The following MYO3B variants were observed in gnomAD, a reference collection of about 807,000 sequenced individuals.
MYO3B encodes myosin-IIIb.
MYO3B carries 156 observed loss-of-function variants against 174.6 expected under a neutral mutation model. The observed-to-expected ratio is 0.89, with a 90% CI of 0.78 to 1.02. MYO3B has a LOEUF of 1.02. Ranked by LOEUF, MYO3B falls within the 50% of genes least tolerant of loss-of-function variation. MYO3B has a pLI of 0.00. For synonymous variants in MYO3B, 563 were observed against 569.1 expected (o/e 0.99, Z 0.15); for missense variants, 1,632 against 1,639.4 (o/e 1.00, Z 0.08).
At chr2:170,454,469 A>G (rs1683794786) in intron 23 of MYO3B, among the ~76,000 whole-genome samples, 1 of 152,228 alleles carries the variant, frequency 6.6e-6, no homozygotes, top group South Asian at 2.1e-4. Flanking sequence ...GGCTACAGTT[A>G]TGAAATGTCT....
intron 7 of MYO3B, among the ~76,000 whole-genome samples, chr2:170,305,525 G>A (rs1160141754): frequency 1.3e-5 from 2 of 152,070 alleles, no homozygotes; most frequent in African/African-American, 2.4e-5. Context: ...TTTCTTTCAA[G>A]CATTATCATG....
intron 32 of MYO3B, among the ~76,000 whole-genome samples, chr2:170,600,834 A>G (rs1694463187): frequency 1.3e-5 from 2 of 152,236 alleles, no homozygotes; most frequent in South Asian, 2.1e-4. Context: ...ATACTTTTCT[A>G]TTAGTCCTTT....
intron 30 of MYO3B, among the ~76,000 whole-genome samples, chr2:170,531,108 T>C (rs563585200): frequency 3.3e-5 from 5 of 152,224 alleles, no homozygotes; most frequent in Non-Finnish European, 7.3e-5. Context: ...TTGACACAGA[T>C]GATCTCTTTC....
chr2:170,630,027 G>A (rs12616797), intron 32 of MYO3B, among the ~76,000 whole-genome samples: 19,281 of 152,206 alleles, frequency 0.13, 1,381 homozygotes, highest in East Asian at 0.28. Flanking sequence ...TTCCAGCTGA[G>A]GTACCTGCTT....
rs551857701 is a variant in MYO3B at position 170,543,055 on chromosome 2, G to A, written c.3636+89G>A. ...AGGCATGAAGCTTGTCTGCGGCTGCGTGGTTGGACCATCCAAACTTGAAAC... is the reference window on the plus strand; with the variant it reads ...AGGCATGAAGCTTGTCTGCGGCTGCATGGTTGGACCATCCAAACTTGAAAC... On this transcript the variant is annotated intron_variant, in intron 31 of 34. Transcript: ENST00000408978. The A allele has an allele frequency of 1.1e-4, 112 of 1,063,638 alleles. No homozygotes were observed. The African/African-American group carries it at 1.5e-3, about 14-fold the overall frequency. 65.9% of individuals were successfully genotyped at this position (1,063,638 alleles called of 1,614,324 possible).
intron 6 of MYO3B, among the ~76,000 whole-genome samples, chr2:170,226,559 G>T (rs767415389): frequency 6.6e-6 from 1 of 152,218 alleles, no homozygotes; most frequent in Non-Finnish European, 1.5e-5. Context: ...TCCAGCGATA[G>T]TTCCCTCTCA....
At chr2:170,310,403 C>A (rs897057309) in intron 7 of MYO3B, among the ~76,000 whole-genome samples, 1 of 152,126 alleles carries the variant, frequency 6.6e-6, no homozygotes, top group East Asian at 1.9e-4. Flanking sequence ...TGGCTCATGC[C>A]TGTGATCCCA....
At chr2:170,612,749 T>C (rs1559159093) in intron 32 of MYO3B, among the ~76,000 whole-genome samples, 2 of 152,188 alleles carry the variant, frequency 1.3e-5, no homozygotes, top group African/African-American at 2.4e-5. Flanking sequence ...AGGTATTGCA[T>C]GGAGGAAGAG....
rs190902469 is a variant in MYO3B at position 170,340,228 on chromosome 2, G to A, written c.815+4778G>A. On this transcript the variant is annotated intron_variant, in intron 8 of 34. Transcript: ENST00000408978. ...TTCTCATTTTGCCTCTATAACTTTAGTGGTTTTTTAGGAATTAAATTTAGG... is the reference window on the plus strand; with the variant it reads ...TTCTCATTTTGCCTCTATAACTTTAATGGTTTTTTAGGAATTAAATTTAGG... 10 of 152,250 alleles carry A rather than the reference G, an allele frequency of 6.6e-5. No homozygotes were observed. The East Asian group carries it at 1.9e-3, about 29-fold the overall frequency. 9.4% of individuals were successfully genotyped at this position (152,250 alleles called of 1,614,324 possible).
chr2:170,203,496 G>C lies in MYO3B; in HGVS notation c.321+3212G>C, dbSNP rs1046467639. On this transcript the variant is annotated intron_variant, in intron 3 of 34. Transcript: ENST00000408978. ...ATGTAGAGCCAAAGCAAAAGGGGGCGGCGGGGGGGGGAGGGAGGGAGGGAG... is the reference window on the plus strand; with the variant it reads ...ATGTAGAGCCAAAGCAAAAGGGGGCCGCGGGGGGGGGAGGGAGGGAGGGAG... 1.5e-4 allele frequency among the ~76,000 whole-genome samples: 18 copies of C among 116,850 alleles called. No homozygotes were observed. In the East Asian group the frequency reaches 6.5e-3, roughly 42 times the overall value. The allele number at this position is 116,850 out of a possible 152,430, so 76.7% of individuals were successfully genotyped here.
At chr2:170,622,043 A>G (rs1695964823) in intron 32 of MYO3B, among the ~76,000 whole-genome samples, 1 of 152,184 alleles carries the variant, frequency 6.6e-6, no homozygotes, top group African/African-American at 2.4e-5. Context: ...TCAAAAGCCA[A>G]AAGCCAACTA....
At chr2:170,383,950 G>A (rs2094354837) in intron 12 of MYO3B, 136 bp downstream of exon 12, 1 of 659,166 alleles carries the variant, frequency 1.5e-6, no homozygotes, top group African/African-American at 1.8e-5. Context: ...AGATGAAGTG[G>A]CAGCTCTGTG....
At chr2:170,504,566 T>A (rs888986861) in intron 28 of MYO3B, among the ~76,000 whole-genome samples, 67 of 152,226 alleles carry the variant, frequency 4.4e-4, no homozygotes, top group African/African-American at 1.5e-3. Flanking sequence ...ACCTTTTTCA[T>A]CTGAAATGTA....
intron 32 of MYO3B, among the ~76,000 whole-genome samples, chr2:170,627,113 G>T (rs1036043272): frequency 7.3e-4 from 111 of 152,152 alleles, no homozygotes; most frequent in Admixed American, 2.6e-4. Context: ...TGCTAGGTTG[G>T]GGAAGTTCTC....
chr2:170,585,829 A>G (rs1178836168), intron 32 of MYO3B, among the ~76,000 whole-genome samples: 1 of 152,074 alleles, frequency 6.6e-6, no homozygotes, highest in Non-Finnish European at 1.5e-5. Flanking sequence ...AGGCGGGTGG[A>G]TCACTTGAGG....
chr2:170,477,686 C>CT (rs2106000604), intron 25 of MYO3B, among the ~76,000 whole-genome samples: 1 of 150,802 alleles, frequency 6.6e-6, no homozygotes, highest in East Asian at 1.9e-4. Flanking sequence ...TTAGTAGCTT[C>CT]TTTCTAGATT....
At chr2:170,507,703 T>A (rs1258054294) in intron 28 of MYO3B, among the ~76,000 whole-genome samples, 1 of 152,110 alleles carries the variant, frequency 6.6e-6, no homozygotes, top group Non-Finnish European at 1.5e-5. Flanking sequence ...TGGGGCTGAT[T>A]TCTGACAGCT....
chr2:170,589,228 T>C (rs1245275865), intron 32 of MYO3B, among the ~76,000 whole-genome samples: 1 of 152,204 alleles, frequency 6.6e-6, no homozygotes, highest in Admixed American at 6.5e-5. Flanking sequence ...AGGTTTTCGA[T>C]AATACAGAGG....
At chr2:170,452,175 A>T (rs999518742) in intron 23 of MYO3B, among the ~76,000 whole-genome samples, 5 of 152,076 alleles carry the variant, frequency 3.3e-5, no homozygotes, top group Non-Finnish European at 7.3e-5. Context: ...AATGCAAAGT[A>T]ATTTCTGATA....
Sources: gnomAD v4.1 joint callset for allele counts (sites outside exome capture counted in the v4.1 genomes callset) on GRCh38, gnomAD v4.1.1 for gene constraint, MANE v1.5 for transcripts, NCBI Gene and HGNC (gene_info 2026-07-23, HGNC 2026-07-21) for gene names.